SGCD: variants seen among roughly 807,000 people sequenced by gnomAD.
SGCD encodes delta-sarcoglycan.
A neutral mutation model predicts 36.6 loss-of-function variants in SGCD; 18 were observed. The ratio of observed to expected loss-of-function variants is 0.49; its 90% CI spans 0.34 to 0.73. The LOEUF (loss-of-function observed/expected upper bound fraction) is 0.73. Among genes scored for constraint, SGCD ranks in the 30% least tolerant of loss-of-function variants. The pLI, the probability that SGCD is intolerant of heterozygous loss-of-function variation, is 0.01. For missense variants in SGCD, 387 were observed against 346.7 expected, an observed-to-expected ratio of 1.12 and a Z score of -0.92; for synonymous variants, 133 against 130.6, an observed-to-expected ratio of 1.02 and a Z score of -0.12.
At chr5:155,782,244 C>T in the SGCD span, among the ~76,000 whole-genome samples, 3 of 152,046 alleles carry the variant, frequency 2.0e-5, no homozygotes, top group East Asian at 1.9e-4. Flanking sequence ...AGGCTGGTCT[C>T]GAACTCCTGA....
At chr5:156,381,409 T>C (rs1453403652) in intron 3 of SGCD, among the ~76,000 whole-genome samples, 1 of 152,174 alleles carries the variant, frequency 6.6e-6, no homozygotes, top group Non-Finnish European at 1.5e-5. Context: ...ATCAAATTGG[T>C]CTTTTATACA....
chr5:156,029,156 A>G (rs946309496), intron 1 of SGCD, among the ~76,000 whole-genome samples: 5 of 152,230 alleles, frequency 3.3e-5, no homozygotes, highest in African/African-American at 1.2e-4. Flanking sequence ...ATGTTAATCA[A>G]GAAAATGCTG....
At chr5:156,239,484 T>TAAAAAAAAAAA (rs1165853075) in intron 3 of SGCD, among the ~76,000 whole-genome samples, 1 of 151,964 alleles carries the variant, frequency 6.6e-6, no homozygotes, top group Non-Finnish European at 1.5e-5. Flanking sequence ...AAATACTTTT[T>TAAAAAAAAAAA]AAAAAAATCT....
chr5:156,423,337 ATAAT>A, intron 3 of SGCD, among the ~76,000 whole-genome samples: 1 of 45,410 alleles, frequency 2.2e-5, no homozygotes, highest in East Asian at 6.7e-4. Context: ...TTATTATAAT[ATAAT>A]ATATTATAAT....
intron 1 of SGCD, among the ~76,000 whole-genome samples, chr5:155,999,582 C>G (rs1445610586): frequency 6.6e-6 from 1 of 152,168 alleles, no homozygotes; most frequent in Non-Finnish European, 1.5e-5. Flanking sequence ...GGTCCCTGCC[C>G]TAACCATAGA....
At chr5:156,102,394 G>A (rs1183526765) in intron 1 of SGCD, among the ~76,000 whole-genome samples, 1 of 152,136 alleles carries the variant, frequency 6.6e-6, no homozygotes, top group Non-Finnish European at 1.5e-5. Context: ...GGGAGAATGT[G>A]CAATATGTAG....
At chr5:156,142,005 TC>T (rs1321601720) in intron 3 of SGCD, among the ~76,000 whole-genome samples, 3 of 152,292 alleles carry the variant, frequency 2.0e-5, no homozygotes, top group African/African-American at 7.2e-5. Flanking sequence ...GGAATTGTAA[TC>T]CCCAGTGTTG....
At chr5:156,178,927 C>T (rs1458439369) in intron 3 of SGCD, among the ~76,000 whole-genome samples, 2 of 152,178 alleles carry the variant, frequency 1.3e-5, no homozygotes, top group African/African-American at 4.8e-5. Flanking sequence ...TACAACTTTA[C>T]ACTAATAGTT....
At chr5:155,752,612 C>T in the SGCD span, among the ~76,000 whole-genome samples, 1 of 152,228 alleles carries the variant, frequency 6.6e-6, no homozygotes, top group South Asian at 2.1e-4. Flanking sequence ...GATTCCTAAC[C>T]CCCATAGGAC....
rs1759758353 is a variant in SGCD, at chr5:156,046,108, T to C, written c.-281-71770T>C. ...GTGTAGACAGTAATCCTTGCTGCTATGGCTTGGGGAGTCCATTTTGCTCCA... is the reference window on the plus strand; with the variant it reads ...GTGTAGACAGTAATCCTTGCTGCTACGGCTTGGGGAGTCCATTTTGCTCCA... On this transcript the variant is annotated intron_variant, in intron 1 of 9. Coordinates refer to the SGCD transcript ENST00000517913. Among the ~76,000 whole-genome samples, 3 of 152,260 alleles carry C rather than the reference T, an allele frequency of 2.0e-5. No individual in the cohort carries two copies. In the South Asian group the frequency reaches 6.2e-4, roughly 32 times the overall value.
At chr5:155,744,926 C>T in the SGCD span, among the ~76,000 whole-genome samples, 4 of 152,110 alleles carry the variant, frequency 2.6e-5, no homozygotes, top group Non-Finnish European at 5.9e-5. Flanking sequence ...CACATATAGA[C>T]AAATTGTAGT....
intron 3 of SGCD, among the ~76,000 whole-genome samples, chr5:156,317,116 C>T (rs1426981785): frequency 6.6e-6 from 1 of 152,094 alleles, no homozygotes; most frequent in East Asian, 1.9e-4. Flanking sequence ...TGAGTGTAAA[C>T]ACTTGCTACC....
intron 3 of SGCD, among the ~76,000 whole-genome samples, chr5:156,315,253 A>G (rs1239728748): frequency 8.5e-6 from 1 of 117,362 alleles, no homozygotes; most frequent in Non-Finnish European, 1.7e-5. Context: ...ACTCTCTGTT[A>G]CTTTGAGTCT....
At chr5:156,631,013 C>T (rs978596321) in intron 6 of SGCD, among the ~76,000 whole-genome samples, 1 of 152,074 alleles carries the variant, frequency 6.6e-6, no homozygotes, top group African/African-American at 2.4e-5. Flanking sequence ...AATATACCTG[C>T]CCCAGCCAAG....
chr5:156,020,033 C>T (rs1368884192), intron 1 of SGCD, among the ~76,000 whole-genome samples: 2 of 152,160 alleles, frequency 1.3e-5, no homozygotes, highest in Non-Finnish European at 2.9e-5. Context: ...CTTCCTCTGC[C>T]TCGAATTCCC....
intron 3 of SGCD, among the ~76,000 whole-genome samples, chr5:156,228,749 C>T (rs998791353): frequency 2.0e-5 from 3 of 151,686 alleles, no homozygotes; most frequent in African/African-American, 7.3e-5. Flanking sequence ...TTCATAGATT[C>T]GGTGAGATTT....
At chr5:156,154,402 A>T (rs1036529005) in intron 3 of SGCD, among the ~76,000 whole-genome samples, 1 of 151,718 alleles carries the variant, frequency 6.6e-6, no homozygotes. Context: ...GACTGAATAC[A>T]TAATATCTGA....
chr5:156,111,904 G>A (rs748173610), intron 1 of SGCD, among the ~76,000 whole-genome samples: 3 of 151,766 alleles, frequency 2.0e-5, no homozygotes, highest in African/African-American at 7.3e-5. Flanking sequence ...TCAGCCTCCT[G>A]AGTAGCCAAG....
the SGCD span, among the ~76,000 whole-genome samples, chr5:155,728,752 C>T: frequency 1.3e-5 from 2 of 152,114 alleles, no homozygotes; most frequent in East Asian, 3.9e-4. Flanking sequence ...GCCAACTTCC[C>T]TGTGAGCCCC....
Sources: allele counts gnomAD v4.1 joint callset (sites outside exome capture counted in the v4.1 genomes callset), GRCh38; gene constraint gnomAD v4.1.1; transcripts MANE v1.5; gene names NCBI Gene and HGNC (gene_info 2026-07-23, HGNC 2026-07-21).